Variants in DCAF6 observed in about 807,000 individuals in gnomAD.
DCAF6 encodes DDB1- and CUL4-associated factor 6.
Under a neutral mutation model 125.1 loss-of-function variants are expected in DCAF6, and 54 were observed. The observed-to-expected ratio is 0.43, with a 90% CI of 0.35 to 0.54. The LOEUF (loss-of-function observed/expected upper bound fraction) is 0.54. Ranked by LOEUF, DCAF6 falls within the 20% of genes least tolerant of loss-of-function variation. The probability of loss-of-function intolerance (pLI) is 0.01; values close to 1 mark genes in which losing one functional copy is unlikely to be tolerated. For missense variants in DCAF6, 934 were observed against 1,161.7 expected (o/e 0.80, Z 2.85); for synonymous variants, 371 against 390.4 (o/e 0.95, Z 0.58).
the DCAF6 span, among the ~76,000 whole-genome samples, chr1:167,929,443 G>A: frequency 2.6e-5 from 4 of 152,030 alleles, no homozygotes; most frequent in African/African-American, 9.7e-5. Flanking sequence ...GTTATTTTGT[G>A]TTTTATTGCC....
intron 11 of DCAF6, chr1:168,019,791 A>G (rs1265658605): frequency 5.4e-6 from 1 of 186,512 alleles, no homozygotes; most frequent in Non-Finnish European, 1.2e-5. Flanking sequence ...AAACTGAGCC[A>G]TATTGGAAAA....
chr1:168,037,328 T>G lies in DCAF6; in HGVS notation c.1610-1043T>G, dbSNP rs572475740. ...TTGCTTTTATGAAATTGTGATTGTC[T>G]TTGTTATTTTTCAAGAGAAGTTTAT... On this transcript the variant is annotated intron_variant, in intron 12 of 21. Coordinates refer to ENST00000367840, the MANE Select transcript of DCAF6 (RefSeq NM_001198956.2). Among the ~76,000 whole-genome samples the G allele has an allele frequency of 2.0e-5, 3 of 152,252 alleles. No homozygotes were observed. In the East Asian group the frequency reaches 5.8e-4, roughly 29 times the overall value.
the DCAF6 span, chr1:167,870,180 T>C: frequency 6.5e-7 from 1 of 1,529,618 alleles, no homozygotes; most frequent in Non-Finnish European, 9.0e-7. Flanking sequence ...ATAAGGCAAG[T>C]TATAGGAAGG....
chr1:167,982,590 T>C (rs967786742), intron 4 of DCAF6, among the ~76,000 whole-genome samples: 1 of 152,126 alleles, frequency 6.6e-6, no homozygotes, highest in African/African-American at 2.4e-5. Context: ...TTGGCAAATA[T>C]TTTCTTTCAT....
At chr1:167,926,834 G>A in the DCAF6 span, among the ~76,000 whole-genome samples, 59 of 152,128 alleles carry the variant, frequency 3.9e-4, no homozygotes, top group Non-Finnish European at 7.4e-4. Context: ...ATCCTGCTTA[G>A]TCTTTACCTA....
the DCAF6 span, among the ~76,000 whole-genome samples, chr1:167,922,706 C>A: frequency 6.6e-6 from 1 of 152,068 alleles, no homozygotes. Flanking sequence ...AGAGACTAAA[C>A]TTGCCCAAGG....
the DCAF6 span, chr1:167,916,880 G>A: frequency 3.3e-5 from 5 of 152,290 alleles, no homozygotes; most frequent in African/African-American, 9.6e-5. Context: ...AGCAATAATA[G>A]TTTGACTCTT....
chr1:167,866,366 A>G, the DCAF6 span, among the ~76,000 whole-genome samples: 1 of 152,184 alleles, frequency 6.6e-6, no homozygotes, highest in Non-Finnish European at 1.5e-5. Context: ...TAGCTACAAA[A>G]TTTAAGTCAA....
intron 18 of DCAF6, among the ~76,000 whole-genome samples, chr1:168,065,162 T>A (rs546544130): frequency 5.3e-5 from 8 of 152,214 alleles, no homozygotes; most frequent in Non-Finnish European, 8.8e-5. Context: ...AAGCACCTAT[T>A]GTATCCCAAG....
rs529012867 is a variant in DCAF6, at chr1:167,938,970, C to T, written c.97+1962C>T. Reference sequence around the variant, plus strand: ...TGTGTATGTATACATACAGGGAGTTCTTTATCTTAAATAATATTTTAGATA... The same window carrying T: ...TGTGTATGTATACATACAGGGAGTTTTTTATCTTAAATAATATTTTAGATA... On this transcript the variant is annotated intron_variant, in intron 1 of 21. Coordinates refer to ENST00000367840, the MANE Select transcript of DCAF6 (RefSeq NM_001198956.2). Among the ~76,000 whole-genome samples the T allele has an allele frequency of 3.9e-5, 6 of 152,210 alleles. No individual in the cohort carries two copies. In the East Asian group the frequency reaches 1.2e-3, roughly 29 times the overall value.
intron 12 of DCAF6, among the ~76,000 whole-genome samples, chr1:168,029,547 C>A (rs1167081825): frequency 2.6e-5 from 4 of 152,128 alleles, no homozygotes; most frequent in African/African-American, 9.7e-5. Context: ...CACTTAATAC[C>A]ACATTTTCTT....
rs751610828 is a variant in DCAF6, at chr1:168,044,652, T to A, written c.1911T>A (p.Val637=). The A allele has an allele frequency of 1.2e-6, 2 of 1,612,216 alleles. No homozygotes were observed. Among genetic ancestry groups the A allele is most frequent in the Non-Finnish European group, 1.7e-6 (2 of 1,178,380 alleles). Residue 637 remains valine (V), a synonymous_variant, in exon 15 of 22, where the codon GTT becomes GTA. Coordinates refer to ENST00000367840, the MANE Select transcript of DCAF6 (RefSeq NM_001198956.2). ...AAGGAGTATCTGCAGAAAACCCAGT[T>A]GAGAACCATATCAATATAAGTGAGT... ...YQEGVSAENP[V]ENHINITQSD...
At chr1:167,993,468 G>T (rs771262652) in intron 7 of DCAF6, 28 bp downstream of exon 7, 2 of 1,596,162 alleles carry the variant, frequency 1.3e-6, no homozygotes, top group Non-Finnish European at 1.7e-6. Context: ...CATGTCCTTT[G>T]GCCGGGCGCG....
chr1:168,006,812 G>T (rs960560733), intron 10 of DCAF6, among the ~76,000 whole-genome samples: 1 of 152,068 alleles, frequency 6.6e-6, no homozygotes. Context: ...CCCTTTACAT[G>T]TCCTCCCTCA....
the DCAF6 span, among the ~76,000 whole-genome samples, chr1:167,913,462 C>T: frequency 6.6e-6 from 1 of 152,176 alleles, no homozygotes; most frequent in Admixed American, 6.5e-5. Context: ...AGCTTGCTTG[C>T]CTACTCTAGC....
chr1:167,975,593 T>C (rs1466264631), intron 4 of DCAF6, among the ~76,000 whole-genome samples: 1 of 152,246 alleles, frequency 6.6e-6, no homozygotes, highest in Non-Finnish European at 1.5e-5. Context: ...TCACTCACAC[T>C]GGAGTGCAGT....
chr1:167,987,421 ATAG>A (rs1680164078), intron 4 of DCAF6, 71 bp from the exon 5 acceptor site: 1 of 750,584 alleles, frequency 1.3e-6, no homozygotes, highest in Non-Finnish European at 2.3e-6. Context: ...ATTTTATGAA[ATAG>A]TAGGAATGTT....
At chr1:167,898,363 G>A in the DCAF6 span, among the ~76,000 whole-genome samples, 1 of 152,144 alleles carries the variant, frequency 6.6e-6, no homozygotes, top group Non-Finnish European at 1.5e-5. Context: ...CACTTTGGGA[G>A]GCTGAGGTGG....
intron 5 of DCAF6, among the ~76,000 whole-genome samples, chr1:167,990,391 T>C (rs1680664722): frequency 6.6e-6 from 1 of 152,094 alleles, no homozygotes; most frequent in African/African-American, 2.4e-5. Flanking sequence ...GAATACTATA[T>C]AAATAATCAA....
Sources: allele counts gnomAD v4.1 joint callset (sites outside exome capture counted in the v4.1 genomes callset), GRCh38; gene constraint gnomAD v4.1.1; transcripts MANE v1.5; gene names NCBI Gene and HGNC (gene_info 2026-07-23, HGNC 2026-07-21).